The following SPTBN4 variants were observed in gnomAD, a reference collection of about 807,000 sequenced individuals.
SPTBN4 encodes the protein spectrin beta chain, non-erythrocytic 4.
In SPTBN4, 96 loss-of-function variants were observed where a neutral mutation model predicts 277.8. The observed-to-expected ratio is 0.35, with a 90% CI of 0.29 to 0.41. The LOEUF (loss-of-function observed/expected upper bound fraction) is 0.41. Ranked by LOEUF, SPTBN4 falls within the 10% of genes least tolerant of loss-of-function variation. The pLI is 1.00. For missense variants in SPTBN4, 3,006 were observed against 3,595.7 expected, an observed-to-expected ratio of 0.84 and a Z score of 4.19; for synonymous variants, 1,481 against 1,580.3, an observed-to-expected ratio of 0.94 and a Z score of 1.49.
At chr19:40,498,581 A>G (rs1342886970) in intron 7 of SPTBN4, among the ~76,000 whole-genome samples, 1 of 149,064 alleles carries the variant, frequency 6.7e-6, no homozygotes, top group East Asian at 2.0e-4. Flanking sequence ...AATTTTTTGT[A>G]TTTTTAGTAG....
chr19:40,495,657 C>T (rs962028950), intron 6 of SPTBN4, among the ~76,000 whole-genome samples: 1 of 151,830 alleles, frequency 6.6e-6, no homozygotes, highest in African/African-American at 2.4e-5. Flanking sequence ...CTAACCCCCC[C>T]ACCACCACCA....
At chr19:40,477,907 C>T (rs1004225933) in intron 2 of SPTBN4, among the ~76,000 whole-genome samples, 6 of 152,000 alleles carry the variant, frequency 3.9e-5, no homozygotes, top group African/African-American at 1.4e-4. Flanking sequence ...GCCGCAGTCT[C>T]GGCTCACTGC....
chr19:40,521,451 C>A (rs566156414), intron 16 of SPTBN4, among the ~76,000 whole-genome samples: 2 of 152,258 alleles, frequency 1.3e-5, no homozygotes, highest in South Asian at 4.1e-4. Flanking sequence ...ACTAGACGTT[C>A]CCATCTAGTG....
Position 40,519,875 on chromosome 19 carries a change from C to A in SPTBN4, c.3378C>A (p.Asp1126Glu), listed in dbSNP as rs2080505419. Residue 1126 changes from aspartate to glutamate, a missense_variant, in exon 16 of 36, where the codon GAC becomes GAA. Around this residue, in one of 5 missense-constraint regions of SPTBN4, gnomAD observed 1,759 missense variants for 2,061.5 expected, o/e 0.85. Coordinates refer to ENST00000598249, the MANE Select transcript of SPTBN4 (RefSeq NM_020971.3). This position sits in a 1 kb window ranked among gnomAD's most constrained non-coding sequence, Gnocchi z 5.7. ...TGCCCAACAGCCTAGAAGAGGCGGA[C>A]GCGCTGCTGGCGCGCCACGCTGCGC... ...GPLPNSLEEA[D>E]ALLARHAALK... The A allele has an allele frequency of 6.7e-7, 1 of 1,502,446 alleles. No individual in the cohort carries two copies. Among genetic ancestry groups the A allele is most frequent in the African/African-American group, 1.4e-5 (1 of 69,704 alleles). 93.1% of individuals were successfully genotyped at this position (1,502,446 alleles called of 1,614,324 possible).
At position 40,557,015 on chromosome 19, in the gene SPTBN4, G is replaced by T. The variant is rs1198825096; in HGVS notation, c.5290-8G>T. 1 of 1,432,796 alleles carries T rather than the reference G, an allele frequency of 7.0e-7. No individual in the cohort carries two copies. 88.8% of individuals were successfully genotyped at this position (1,432,796 alleles called of 1,614,324 possible). ...TGCTGTACCCCCCCCCCCACTTCCT[G>T]ATGGCAGGTGCTGCAGGAGAAATTC... On this transcript the variant is annotated splice_polypyrimidine_tract_variant and splice_region_variant and intron_variant, in intron 25 of 35. Transcript: ENST00000598249.
chr19:40,505,736 AAGGAAGGAAGGAAGG>A (rs2145853645), intron 12 of SPTBN4, among the ~76,000 whole-genome samples: 1 of 151,416 alleles, frequency 6.6e-6, no homozygotes, highest in African/African-American at 2.4e-5. Context: ...GGAAGGAAGG[AAGGAAGGAAGGAAGG>A]AAGAAAGAAA....
In SPTBN4 at chr19:40,554,020, G is replaced by A; in HGVS notation, c.4675-127G>A. 1.0e-6 allele frequency: 1 copy of A among 957,536 alleles called. No individual in the cohort carries two copies. Among genetic ancestry groups the A allele is most frequent in the Non-Finnish European group, 1.4e-6 (1 of 694,204 alleles). The allele number at this position is 957,536 out of a possible 1,614,324, so 59.3% of individuals were successfully genotyped here. On this transcript the variant is annotated intron_variant, in intron 22 of 35. Transcript: ENST00000598249. This position sits in a 1 kb window ranked among gnomAD's most constrained non-coding sequence, Gnocchi z 5.7. ...CAAAATGTTTACATGGTCTTGGCAC[G>A]TGGTTAGCGAGCTGGGGGTGCTTGT...
rs1192108359 is a variant in SPTBN4 at position 40,490,749 on chromosome 19, A to G, written c.495+501A>G. 1.3e-5 allele frequency among the ~76,000 whole-genome samples: 2 copies of G among 152,206 alleles called. No individual in the cohort carries two copies. Among genetic ancestry groups the G allele is most frequent in the Admixed American group, 1.3e-4 (2 of 15,262 alleles). ...TATGGAAAAAGGACCAGTTCTAGTT[A>G]GAGAAGTTTAAAAAGCTATGCAGGG... On this transcript the variant is annotated intron_variant, in intron 4 of 35. Transcript: ENST00000598249. This position sits in a 1 kb window ranked among gnomAD's most constrained non-coding sequence, Gnocchi z 4.3.
At chr19:40,497,227 C>T (rs1025962054) in intron 6 of SPTBN4, among the ~76,000 whole-genome samples, 1 of 152,152 alleles carries the variant, frequency 6.6e-6, no homozygotes, top group Non-Finnish European at 1.5e-5. Flanking sequence ...GCTGGCCTAC[C>T]CATTCGTCTG....
chr19:40,533,984 T>A, intron 19 of SPTBN4, 96 bp from the exon 20 acceptor site: 1 of 1,423,942 alleles, frequency 7.0e-7, no homozygotes, highest in South Asian at 1.4e-5. Context: ...TCTTTTCACA[T>A]CCTTCCCTGT....
chr19:40,545,331 T>C (rs1404870910), intron 20 of SPTBN4, among the ~76,000 whole-genome samples: 2 of 151,956 alleles, frequency 1.3e-5, no homozygotes, highest in East Asian at 3.9e-4. Context: ...CCTGACCTTG[T>C]GATCTGCCTG....
chr19:40,512,502 C>T, intron 13 of SPTBN4, 104 bp from the exon 14 acceptor site: 1 of 1,361,042 alleles, frequency 7.3e-7, no homozygotes, highest in African/African-American at 1.5e-5. Context: ...GACCCGGCAT[C>T]TGATGAAGTC....
intron 12 of SPTBN4, among the ~76,000 whole-genome samples, chr19:40,504,542 G>T (rs1423132722): frequency 6.6e-6 from 1 of 151,796 alleles, no homozygotes; most frequent in Non-Finnish European, 1.5e-5. Flanking sequence ...AGTGGCGGGC[G>T]CCTGTAGTCC....
At chr19:40,536,818 G>T (rs1169518522) in intron 20 of SPTBN4, among the ~76,000 whole-genome samples, 1 of 152,048 alleles carries the variant, frequency 6.6e-6, no homozygotes, top group Non-Finnish European at 1.5e-5. Context: ...CCAGGATCTC[G>T]CTCTGTTAGC....
intron 1 of SPTBN4, among the ~76,000 whole-genome samples, chr19:40,472,014 G>A (rs1380266085): frequency 1.3e-5 from 2 of 148,468 alleles, no homozygotes; most frequent in African/African-American, 5.0e-5. Flanking sequence ...GGGTTCAAGC[G>A]CTTCTCCTGC....
chr19:40,550,253 C>T lies in SPTBN4; in HGVS notation c.4600C>T (p.Arg1534Trp), dbSNP rs369789904. The T allele has an allele frequency of 2.2e-5, 36 of 1,613,098 alleles. No individual in the cohort carries two copies. Among genetic ancestry groups the T allele is most frequent in the Non-Finnish European group, 2.6e-5 (31 of 1,179,922 alleles). ...LDDELAWVQE[R>W]LPLAMQTERG... is the part of the protein sequence containing the mutation. Reference sequence around the variant, plus strand: ...TCCTCTCCAGGCATGGGTTCAGGAGCGGCTGCCACTGGCCATGCAGACAGA... The same window carrying T: ...TCCTCTCCAGGCATGGGTTCAGGAGTGGCTGCCACTGGCCATGCAGACAGA... The change falls in exon 22 of 36, where the codon CGG becomes TGG. Residue 1534 changes from arginine to tryptophan, a missense_variant. Physicochemically the swap from Arg to Trp is moderately radical, Grantham distance 101. Around this residue, in one of 5 missense-constraint regions of SPTBN4, gnomAD observed 1,759 missense variants for 2,061.5 expected, o/e 0.85. Coordinates refer to ENST00000598249, the MANE Select transcript of SPTBN4 (RefSeq NM_020971.3).
In SPTBN4 at chr19:40,503,971, G is replaced by T; in HGVS notation, c.1504G>T (p.Asp502Tyr). ...AQALAAEGYY[D>Y]IRRVAAQRDS... is the part of the protein sequence containing the mutation. ...GGCATTGGCAGCCGAAGGCTACTAC[G>T]ATATCCGGCGGGTGGCAGCCCAGCG... The change falls in exon 12 of 36, where the codon GAT (aspartate) becomes TAT (tyrosine). Residue 502 changes from aspartate (D) to tyrosine (Y), a missense_variant. By Grantham distance (160) the Asp-to-Tyr change is radical (BLOSUM62 -3). Around this residue, in one of 5 missense-constraint regions of SPTBN4, gnomAD observed 1,759 missense variants for 2,061.5 expected, o/e 0.85. Coordinates refer to ENST00000598249, the MANE Select transcript of SPTBN4 (RefSeq NM_020971.3). 9.3e-6 allele frequency: 15 copies of T among 1,614,000 alleles called. No individual in the cohort carries two copies. Among genetic ancestry groups the T allele is most frequent in the Non-Finnish European group, 1.3e-5 (15 of 1,180,006 alleles).
At position 40,526,728 on chromosome 19, in the gene SPTBN4, G is replaced by GC. The variant is rs369474678; in HGVS notation, c.3858-2312dup. ...GCCTTCTGAGTAGCTGGGACTAAAAGCATGTGCCACCTTGCTCGGCTAATT... is the reference window on the plus strand; with the variant it reads ...GCCTTCTGAGTAGCTGGGACTAAAAGCCATGTGCCACCTTGCTCGGCTAATT... On this transcript the variant is annotated intron_variant, in intron 17 of 35. Transcript: ENST00000598249. 2.8e-4 allele frequency among the ~76,000 whole-genome samples: 42 copies of GC among 152,242 alleles called. No individual in the cohort carries two copies. In the East Asian group the frequency reaches 7.3e-3, roughly 27 times the overall value.
chr19:40,559,491 A>G (rs1016582474), intron 26 of SPTBN4, among the ~76,000 whole-genome samples: 15 of 152,158 alleles, frequency 9.9e-5, no homozygotes, highest in Non-Finnish European at 2.9e-5. Flanking sequence ...CTATTACAAC[A>G]TATATGTATA....
Sources: allele counts gnomAD v4.1 joint callset (sites outside exome capture counted in the v4.1 genomes callset), GRCh38; gene constraint gnomAD v4.1.1; regional missense constraint gnomAD v4.1.1; non-coding constraint Gnocchi (gnomAD v3.1); transcripts MANE v1.5; gene names NCBI Gene and HGNC (gene_info 2026-07-23, HGNC 2026-07-21).